Variants in PTPRN2 observed in about 807,000 individuals in gnomAD.
The protein encoded by PTPRN2 is protein tyrosine phosphatase receptor type N2.
PTPRN2 carries 74 observed loss-of-function variants against 118.8 expected under a neutral mutation model. The ratio of observed to expected loss-of-function variants is 0.62; its 90% confidence interval spans 0.52 to 0.76. The LOEUF is 0.76. PTPRN2 is among the 30% of genes least tolerant of loss of function. The pLI is 0.00. For synonymous variants in PTPRN2, 641 were observed against 608.0 expected (o/e 1.05, Z -0.80); for missense variants, 1,481 against 1,394.4 (o/e 1.06, Z -0.99).
rs1191267551 is a variant in PTPRN2, at chr7:157,874,826, CAGAG to C, written c.1788+23843_1788+23846del. 7.3e-5 allele frequency among the ~76,000 whole-genome samples: 11 copies of C among 151,624 alleles called. No individual in the cohort carries two copies. In the East Asian group the frequency reaches 9.7e-4, roughly 13 times the overall value. ...ACAGAGACACACTCATGGACACACA[CAGAG>C]ACACACTCATGCACATATACACACG... On this transcript the variant is annotated intron_variant, in intron 12 of 22. Coordinates refer to ENST00000389418, the MANE Select transcript of PTPRN2 (RefSeq NM_002847.5). This position sits in a 1 kb window ranked among gnomAD's most constrained non-coding sequence, Gnocchi z 5.8.
chr7:157,690,044 A>G lies in PTPRN2; in HGVS notation c.1789-7107T>C, dbSNP rs1348053757. On this transcript the variant is annotated intron_variant, in intron 12 of 22. Transcript: ENST00000389418. This position sits in a 1 kb window ranked among gnomAD's most constrained non-coding sequence, Gnocchi z 7.1. ...TCCGTGCCTGCACCCCCCCACCCCC[A>G]GCACCCTGCAATGGTCGGAACTGCA... Among the ~76,000 whole-genome samples, 2 of 151,952 alleles carry G rather than the reference A, an allele frequency of 1.3e-5. No homozygotes were observed. Among genetic ancestry groups the G allele is most frequent in the African/African-American group, 4.8e-5 (2 of 41,364 alleles).
chr7:157,543,321 A>G (rs554960586), intron 22 of PTPRN2, among the ~76,000 whole-genome samples: 1 of 152,264 alleles, frequency 6.6e-6, no homozygotes, highest in Non-Finnish European at 1.5e-5. Flanking sequence ...TGTTGGAGAA[A>G]GATCCCACGG....
chr7:157,559,146 T>C (rs563113934), intron 21 of PTPRN2, among the ~76,000 whole-genome samples: 2 of 152,306 alleles, frequency 1.3e-5, no homozygotes, highest in Non-Finnish European at 2.9e-5. Context: ...TGCAGCACCC[T>C]GACTCCATCG....
At chr7:158,388,874 GTTA>G (rs1320311299) in intron 2 of PTPRN2, among the ~76,000 whole-genome samples, 1 of 152,156 alleles carries the variant, frequency 6.6e-6, no homozygotes, top group Non-Finnish European at 1.5e-5. Context: ...AAATACATAC[GTTA>G]TTATTAACCC....
chr7:158,515,727 C>T (rs867700708), intron 1 of PTPRN2, among the ~76,000 whole-genome samples: 28 of 152,132 alleles, frequency 1.8e-4, no homozygotes, highest in African/African-American at 5.8e-4. Context: ...ACTCTCCATC[C>T]TCCTCTCCTG....
Position 158,166,836 on chromosome 7 carries a change from C to A in PTPRN2, c.910+95G>T, listed in dbSNP as rs369886862. ...TCCTCGGGGGAGTGCGGTGTGCAGA[C>A]CCCACGTGTGGGAAGAGCATGGTGC... On this transcript the variant is annotated intron_variant, in intron 6 of 22. Coordinates refer to ENST00000389418, the MANE Select transcript of PTPRN2 (RefSeq NM_002847.5). 3.0e-6 allele frequency: 4 copies of A among 1,355,844 alleles called. No homozygotes were observed. The East Asian group carries it at 8.0e-5, about 27-fold the overall frequency. 84.0% of individuals were successfully genotyped at this position (1,355,844 alleles called of 1,614,324 possible). A position where few individuals can be genotyped will look rare whatever the true frequency, so the allele number is the denominator to read the frequency against.
chr7:158,113,762 T>G (rs1409681332), intron 9 of PTPRN2, among the ~76,000 whole-genome samples: 1 of 145,736 alleles, frequency 6.9e-6, no homozygotes, highest in African/African-American at 2.4e-5. Flanking sequence ...GAAAGCCATC[T>G]GATGGCGTCG....
intron 12 of PTPRN2, among the ~76,000 whole-genome samples, chr7:157,769,925 TG>T (rs1191468298): frequency 6.6e-6 from 1 of 152,196 alleles, no homozygotes; most frequent in Admixed American, 6.5e-5. Context: ...AAAGCACATG[TG>T]GGGCTGTGGC....
chr7:158,005,229 C>T (rs1311796455), intron 11 of PTPRN2, among the ~76,000 whole-genome samples: 1 of 152,114 alleles, frequency 6.6e-6, no homozygotes, highest in Non-Finnish European at 1.5e-5. Flanking sequence ...CGTGAGCCAC[C>T]ACACTTGGCG....
intron 2 of PTPRN2, among the ~76,000 whole-genome samples, chr7:158,372,253 T>C (rs554379138): frequency 8.1e-5 from 11 of 136,002 alleles, no homozygotes; most frequent in Non-Finnish European, 3.1e-5. Flanking sequence ...GCCTCCCCAG[T>C]GCTGGTCCCC....
At position 157,671,458 on chromosome 7, in the gene PTPRN2, A is replaced by G. The variant is rs149831622; in HGVS notation, c.2001+11267T>C. ...ACGGGCCACCCCGGGCTGAGATGGAAGCTCAGGGGACGGGGGTCTGCACAG... is the reference window on the plus strand; with the variant it reads ...ACGGGCCACCCCGGGCTGAGATGGAGGCTCAGGGGACGGGGGTCTGCACAG... On this transcript the variant is annotated intron_variant, in intron 13 of 22. Coordinates refer to ENST00000389418, the MANE Select transcript of PTPRN2 (RefSeq NM_002847.5). The surrounding 1 kb of genome is among the most constrained non-coding windows in gnomAD (Gnocchi z 4.1). Among the ~76,000 whole-genome samples, 782 of 152,142 alleles carry G rather than the reference A, an allele frequency of 5.1e-3. 20 individuals carry two copies. The South Asian group carries it at 0.07, about 14-fold the overall frequency.
chr7:158,259,458 G>A (rs1015094099), intron 3 of PTPRN2, among the ~76,000 whole-genome samples: 1 of 152,180 alleles, frequency 6.6e-6, no homozygotes, highest in African/African-American at 2.4e-5. Flanking sequence ...AGAGCCCCTG[G>A]GAAAAGCCTA....
intron 12 of PTPRN2, among the ~76,000 whole-genome samples, chr7:157,769,513 G>A (rs1020862282): frequency 2.6e-5 from 4 of 152,130 alleles, no homozygotes; most frequent in Non-Finnish European, 4.4e-5. Flanking sequence ...ATAGGATTTT[G>A]GAATTCAGCC....
intron 19 of PTPRN2, among the ~76,000 whole-genome samples, chr7:157,576,393 C>T (rs1384101949): frequency 1.3e-5 from 2 of 152,212 alleles, no homozygotes; most frequent in Non-Finnish European, 2.9e-5. Context: ...GATGCCTATT[C>T]CCCCTCACAT....
At chr7:158,519,019 C>A (rs905422263) in intron 1 of PTPRN2, among the ~76,000 whole-genome samples, 2 of 152,074 alleles carry the variant, frequency 1.3e-5, no homozygotes, top group African/African-American at 4.8e-5. Flanking sequence ...AATACTTGGG[C>A]TCCAGGATGC....
At chr7:158,312,677 AC>A (rs1316398165) in intron 3 of PTPRN2, among the ~76,000 whole-genome samples, 1 of 149,946 alleles carries the variant, frequency 6.7e-6, no homozygotes, top group Non-Finnish European at 1.5e-5. Context: ...CTGCCTGCAC[AC>A]ATGCATGCAC....
At chr7:157,862,803 T>C (rs1182312540) in intron 12 of PTPRN2, 1 of 144,786 alleles carries the variant, frequency 6.9e-6, no homozygotes, top group Non-Finnish European at 1.5e-5. Flanking sequence ...ACAAGCCTGG[T>C]GGTGTGCGGG....
intron 3 of PTPRN2, among the ~76,000 whole-genome samples, chr7:158,224,516 C>T (rs1485517653): frequency 6.6e-6 from 1 of 152,076 alleles, no homozygotes. Flanking sequence ...AACAAATGGT[C>T]CTGGAGTGAT....
intron 12 of PTPRN2, among the ~76,000 whole-genome samples, chr7:157,860,019 C>T (rs78417109): frequency 0.071 from 10,764 of 151,566 alleles, 456 homozygotes; most frequent in East Asian, 0.25. Context: ...AGAGCCCCAG[C>T]CACTGTACAC....
Sources: allele counts gnomAD v4.1 joint callset (sites outside exome capture counted in the v4.1 genomes callset), GRCh38; gene constraint gnomAD v4.1.1; non-coding constraint Gnocchi (gnomAD v3.1); transcripts MANE v1.5; gene names NCBI Gene and HGNC (gene_info 2026-07-23, HGNC 2026-07-21).